The following HPSE2 variants were observed in gnomAD, a reference collection of about 807,000 sequenced individuals.
HPSE2 encodes heparanase 2 (inactive), also known as inactive heparanase-2.
A neutral mutation model predicts 60.5 loss-of-function variants in HPSE2; 38 were observed. The ratio of observed to expected loss-of-function variants is 0.63; its 90% CI spans 0.48 to 0.82. HPSE2 has a LOEUF of 0.82. Among genes scored for constraint, HPSE2 ranks in the 40% least tolerant of loss-of-function variants. HPSE2 has a pLI of 0.00. For missense variants in HPSE2, 713 were observed against 740.4 expected, an observed-to-expected ratio of 0.96 and a Z score of 0.43; for synonymous variants, 295 against 293.2, an observed-to-expected ratio of 1.01 and a Z score of -0.06.
chr10:98,771,433 C>G (rs916150372), intron 3 of HPSE2, among the ~76,000 whole-genome samples: 2 of 152,106 alleles, frequency 1.3e-5, no homozygotes, highest in Non-Finnish European at 2.9e-5. Flanking sequence ...AGCACCTGCC[C>G]TGTGTTGGAA....
intron 2 of HPSE2, among the ~76,000 whole-genome samples, chr10:99,146,908 A>T (rs909637533): frequency 1.3e-5 from 2 of 152,192 alleles, no homozygotes; most frequent in Non-Finnish European, 2.9e-5. Context: ...TTACACACTA[A>T]AAGTGTTGAA....
chr10:98,740,626 G>A (rs775667626), intron 4 of HPSE2, among the ~76,000 whole-genome samples: 2 of 152,100 alleles, frequency 1.3e-5, no homozygotes, highest in Non-Finnish European at 2.9e-5. Flanking sequence ...TTAAAGTTTA[G>A]CCACTCTAGA....
At chr10:98,989,346 G>A (rs1334338262) in intron 3 of HPSE2, among the ~76,000 whole-genome samples, 1 of 152,056 alleles carries the variant, frequency 6.6e-6, no homozygotes, top group East Asian at 1.9e-4. Flanking sequence ...GTCCTTTGTA[G>A]GGACATGGAT....
rs1252848153 is a variant in HPSE2 at position 98,925,109 on chromosome 10, G to A, written c.611-181053C>T. Among the ~76,000 whole-genome samples the A allele has an allele frequency of 2.6e-5, 4 of 152,310 alleles. No individual in the cohort carries two copies. In the East Asian group the frequency reaches 5.8e-4, roughly 22 times the overall value. The stretch of plus-strand genomic sequence containing the variant: ...ACTGCTAGGGGATGGAGGTGAGGTG[G>A]TGTCAGTGATTCTAAAGTATCTCTT... On this transcript the variant is annotated intron_variant, in intron 3 of 11. Transcript: ENST00000370552.
chr10:98,511,964 C>G (rs1942422654), intron 9 of HPSE2, among the ~76,000 whole-genome samples: 8 of 152,196 alleles, frequency 5.3e-5, no homozygotes, highest in Admixed American at 5.2e-4. Context: ...GTTGTAAAAA[C>G]CTAATTAATT....
intron 2 of HPSE2, among the ~76,000 whole-genome samples, chr10:99,152,328 A>T (rs1471500646): frequency 4.0e-5 from 6 of 151,766 alleles, no homozygotes; most frequent in African/African-American, 1.5e-4. Context: ...AAAAAAAAAA[A>T]AGACTGAGAG....
At chr10:98,927,040 A>T (rs1017989136) in intron 3 of HPSE2, among the ~76,000 whole-genome samples, 5 of 152,114 alleles carry the variant, frequency 3.3e-5, no homozygotes, top group African/African-American at 1.2e-4. Context: ...GTATGTGGCC[A>T]ATTTTGGAAT....
chr10:99,176,628 A>T (rs1847536684), intron 2 of HPSE2, among the ~76,000 whole-genome samples: 1 of 152,196 alleles, frequency 6.6e-6, no homozygotes. Context: ...CTATGTGTAA[A>T]GACCAAACCT....
chr10:98,823,625 T>C (rs771193130), intron 3 of HPSE2, among the ~76,000 whole-genome samples: 2 of 151,934 alleles, frequency 1.3e-5, no homozygotes, highest in Non-Finnish European at 2.9e-5. Flanking sequence ...ACCCCATCTC[T>C]AAAAAATAAA....
In HPSE2 at chr10:99,104,082, T is replaced by G. The variant is rs185247799; in HGVS notation, c.610+40156A>C. 2.0e-4 allele frequency among the ~76,000 whole-genome samples: 31 copies of G among 152,290 alleles called. 1 individual carries two copies. The East Asian group carries it at 6.0e-3, about 29-fold the overall frequency. On this transcript the variant is annotated intron_variant, in intron 3 of 11. Coordinates refer to ENST00000370552, the MANE Select transcript of HPSE2 (RefSeq NM_021828.5). ...TCAGGACATAGGCATGGACAAGGACTTTATGTCTAAAACACCAAAAGCAAT... is the reference window on the plus strand; with the variant it reads ...TCAGGACATAGGCATGGACAAGGACGTTATGTCTAAAACACCAAAAGCAAT...
At chr10:98,865,840 G>A (rs992080335) in intron 3 of HPSE2, among the ~76,000 whole-genome samples, 1 of 152,080 alleles carries the variant, frequency 6.6e-6, no homozygotes, top group Admixed American at 6.6e-5. Context: ...CTCAGTTATG[G>A]AGAATATTAG....
Position 98,515,506 on chromosome 10 carries a change from A to G in HPSE2, c.1321-25310T>C, listed in dbSNP as rs542786404. On this transcript the variant is annotated intron_variant, in intron 9 of 11. Coordinates refer to ENST00000370552, the MANE Select transcript of HPSE2 (RefSeq NM_021828.5). ...ATTTTAGAAGAATATAATGATGTCAAAAATGGTCATTACAGTGTGCAGAAT... is the reference window on the plus strand; with the variant it reads ...ATTTTAGAAGAATATAATGATGTCAGAAATGGTCATTACAGTGTGCAGAAT... Among the ~76,000 whole-genome samples, 6 of 152,346 alleles carry G rather than the reference A, an allele frequency of 3.9e-5. No individual in the cohort carries two copies. In the South Asian group the frequency reaches 1.2e-3, roughly 32 times the overall value.
intron 3 of HPSE2, among the ~76,000 whole-genome samples, chr10:98,887,967 G>T (rs1365126794): frequency 1.3e-5 from 2 of 150,944 alleles, no homozygotes; most frequent in East Asian, 3.9e-4. Context: ...AGAAAAGAAA[G>T]AATAAGACCT....
intron 2 of HPSE2, among the ~76,000 whole-genome samples, chr10:99,176,612 A>G (rs1402765463): frequency 6.6e-6 from 1 of 152,184 alleles, no homozygotes; most frequent in Non-Finnish European, 1.5e-5. Flanking sequence ...TCCAAGAAAT[A>G]TGGGACTATG....
At chr10:99,128,869 A>G (rs1845269633) in intron 3 of HPSE2, among the ~76,000 whole-genome samples, 1 of 152,188 alleles carries the variant, frequency 6.6e-6, no homozygotes. Context: ...TTAAAAAAAA[A>G]TCCACCAACC....
At chr10:99,082,726 GA>G (rs1456652430) in intron 3 of HPSE2, among the ~76,000 whole-genome samples, 1 of 152,010 alleles carries the variant, frequency 6.6e-6, no homozygotes, top group Non-Finnish European at 1.5e-5. Flanking sequence ...TTGAATGAAA[GA>G]AAAAATAAAT....
chr10:98,850,465 G>A (rs568840360), intron 3 of HPSE2, among the ~76,000 whole-genome samples: 1 of 152,188 alleles, frequency 6.6e-6, no homozygotes, highest in East Asian at 1.9e-4. Context: ...GGCCGGGCAC[G>A]GTGGCTCACA....
At chr10:98,918,876 CTG>C (rs1954202351) in intron 3 of HPSE2, among the ~76,000 whole-genome samples, 1 of 151,906 alleles carries the variant, frequency 6.6e-6, no homozygotes, top group African/African-American at 2.4e-5. Flanking sequence ...AAAAAAGACT[CTG>C]TAGTACATAT....
intron 3 of HPSE2, among the ~76,000 whole-genome samples, chr10:98,851,188 G>A (rs1952165807): frequency 6.6e-6 from 1 of 152,154 alleles, no homozygotes; most frequent in Non-Finnish European, 1.5e-5. Context: ...CATGTGTTCT[G>A]GACCTTATAG....
Sources: gnomAD v4.1 joint callset for allele counts (sites outside exome capture counted in the v4.1 genomes callset) on GRCh38, gnomAD v4.1.1 for gene constraint, MANE v1.5 for transcripts, NCBI Gene and HGNC (gene_info 2026-07-23, HGNC 2026-07-21) for gene names.